Variants in C4orf33 observed in about 807,000 individuals in gnomAD.
The protein encoded by C4orf33 is chromosome 4 open reading frame 33.
Under a neutral mutation model 24.3 loss-of-function variants are expected in C4orf33, and 20 were observed. The observed-to-expected ratio is 0.82, with a 90% CI of 0.58 to 1.19. C4orf33 has a LOEUF of 1.19. Among genes scored for constraint, C4orf33 ranks in the 50% most tolerant of loss-of-function variants. The probability of loss-of-function intolerance (pLI) is 0.00; values close to 1 mark genes in which losing one functional copy is unlikely to be tolerated. For synonymous variants in C4orf33, 67 were observed against 76.4 expected (o/e 0.88, Z 0.64); for missense variants, 207 against 225.9 (o/e 0.92, Z 0.54).
intron 1 of C4orf33, among the ~76,000 whole-genome samples, chr4:129,098,517 G>A (rs1264280458): frequency 6.6e-6 from 1 of 152,186 alleles, no homozygotes; most frequent in Non-Finnish European, 1.5e-5. Flanking sequence ...AAATGTTTGG[G>A]TTTTGGTTTG....
At position 129,102,639 on chromosome 4, in the gene C4orf33, A is replaced by G. The variant is rs1467031732; in HGVS notation, c.29A>G (p.Asp10Gly). 2 of 1,613,148 alleles carry G rather than the reference A, an allele frequency of 1.2e-6. No homozygotes were observed. The highest frequency in any genetic ancestry group is 1.7e-6 in the Non-Finnish European group (2 of 1,179,656). MDFKIEHTW[D>G]GFPVKHEPVF... ...GATTTTAAAATTGAACACACTTGGG[A>G]TGGTTTTCCAGTGAAGCATGAGCCC... Residue 10 changes from aspartate (D) to glycine (G), a missense_variant, in exon 2 of 6, where the codon GAT (aspartate) becomes GGT (glycine). Transcript: ENST00000425929.
chr4:129,111,269 G>A (rs1753685684), intron 5 of C4orf33, among the ~76,000 whole-genome samples: 1 of 152,092 alleles, frequency 6.6e-6, no homozygotes, highest in African/African-American at 2.4e-5. Flanking sequence ...AGCAGAGAAG[G>A]GAATTAAGAA....
At chr4:129,102,865 T>A in intron 2 of C4orf33, 74 bp downstream of exon 2, 2 of 1,385,210 alleles carry the variant, frequency 1.4e-6, no homozygotes, top group South Asian at 2.8e-5. Context: ...TATTATTTTA[T>A]CTTGCTGTTG....
At chr4:129,106,004 T>C (rs919137328) in intron 2 of C4orf33, among the ~76,000 whole-genome samples, 1 of 152,156 alleles carries the variant, frequency 6.6e-6, no homozygotes, top group African/African-American at 2.4e-5. Context: ...GCAGCTGACT[T>C]ATCGAATATC....
At chr4:129,104,822 A>G (rs527960107) in intron 2 of C4orf33, among the ~76,000 whole-genome samples, 1 of 152,250 alleles carries the variant, frequency 6.6e-6, no homozygotes, top group East Asian at 1.9e-4. Context: ...AAAATTTTCC[A>G]CTTTAGTATC....
rs574689669 is a variant in C4orf33 at position 129,110,191 on chromosome 4, A to G, written c.494+519A>G. 69 of 164,430 alleles carry G rather than the reference A, an allele frequency of 4.2e-4. 1 individual carries two copies. Among genetic ancestry groups the G allele is most frequent in the South Asian group, 1.2e-3 (6 of 5,058 alleles). The allele number at this position is 164,430 out of a possible 1,614,324, so 10.2% of individuals were successfully genotyped here. A position where few individuals can be genotyped will look rare whatever the true frequency, so the allele number is the denominator to read the frequency against. ...GCAAATTACATCTGGACTGAGAATA[A>G]TTTTGGATGAACTATAAATATATGA... On this transcript the variant is annotated intron_variant, in intron 5 of 5. Transcript: ENST00000425929.
Position 129,111,738 on chromosome 4 carries a change from G to A in C4orf33, c.547G>A (p.Glu183Lys), listed in dbSNP as rs1438373329. Reference protein sequence around the residue: ...SFNFNTLLGEEWKQPESDLWL... With the variant: ...SFNFNTLLGEKWKQPESDLWL... ...CAATTTTAACACACTGCTTGGAGAA[G>A]AGTGGAAACAACCGGAATCAGACCT... The change falls in exon 6 of 6, where the codon GAG (glutamate) becomes AAG (lysine). Residue 183 changes from glutamate to lysine, a missense_variant. Physicochemically the swap from Glu to Lys is moderately conservative, Grantham distance 56. Coordinates refer to ENST00000425929, the MANE Select transcript of C4orf33 (RefSeq NM_001099783.2). 1.2e-6 allele frequency: 2 copies of A among 1,613,008 alleles called. No individual in the cohort carries two copies. Among genetic ancestry groups the A allele is most frequent in the Non-Finnish European group, 1.7e-6 (2 of 1,179,340 alleles).
At position 129,111,815 on chromosome 4, in the gene C4orf33, CATTTTTTCCTCT is replaced by C. The variant is rs1561093279; in HGVS notation, c.*27_*38del. On this transcript the variant is annotated 3_prime_UTR_variant, in exon 6 of 6. Transcript: ENST00000425929. Reference sequence around the variant, plus strand: ...AGGAGTAATAGATAACCATACCGATCATTTTTTCCTCTATACCTTTTAAGATAAACAAAAAAT... The same window carrying C: ...AGGAGTAATAGATAACCATACCGATCATACCTTTTAAGATAAACAAAAAAT... 1 of 1,353,622 alleles carries C rather than the reference CATTTTTTCCTCT, an allele frequency of 7.4e-7. No homozygotes were observed. Among genetic ancestry groups the C allele is most frequent in the African/African-American group, 1.4e-5 (1 of 69,202 alleles). 83.9% of individuals were successfully genotyped at this position (1,353,622 alleles called of 1,614,324 possible). A position where few individuals can be genotyped will look rare whatever the true frequency, so the allele number is the denominator to read the frequency against.
At chr4:129,104,738 C>CT (rs1753462651) in intron 2 of C4orf33, among the ~76,000 whole-genome samples, 1 of 126,452 alleles carries the variant, frequency 7.9e-6, no homozygotes. Flanking sequence ...CACTAAACCA[C>CT]TTTTTTGAGC....
chr4:129,102,999 G>T, intron 2 of C4orf33: 14 of 407,674 alleles, frequency 3.4e-5, no homozygotes, highest in South Asian at 1.3e-4. Flanking sequence ...GTTAAAAAAT[G>T]GCAATTACAA....
At position 129,112,162 on chromosome 4, in the gene C4orf33, A is replaced by C. The variant is rs1753706323; in HGVS notation, c.*371A>C. 1 of 157,354 alleles carries C rather than the reference A, an allele frequency of 6.4e-6. No homozygotes were observed. The highest frequency in any genetic ancestry group is 1.8e-4 in the East Asian group (1 of 5,410). 9.7% of individuals were successfully genotyped at this position (157,354 alleles called of 1,614,324 possible). A position where few individuals can be genotyped will look rare whatever the true frequency, so the allele number is the denominator to read the frequency against. On this transcript the variant is annotated 3_prime_UTR_variant, in exon 6 of 6. Coordinates refer to ENST00000425929, the MANE Select transcript of C4orf33 (RefSeq NM_001099783.2). ...TGTGATTCAACCATTTCATTCCTAGATATATACCCCAGAAAAATGACTGCT... is the reference window on the plus strand; with the variant it reads ...TGTGATTCAACCATTTCATTCCTAGCTATATACCCCAGAAAAATGACTGCT...
In C4orf33 at chr4:129,114,769, C is replaced by T. The variant is rs1430129128; in HGVS notation, c.*2978C>T. 1 of 152,210 alleles carries T rather than the reference C, an allele frequency of 6.6e-6. No individual in the cohort carries two copies. The highest frequency in any genetic ancestry group is 2.4e-5 in the African/African-American group (1 of 41,444). 9.4% of individuals were successfully genotyped at this position (152,210 alleles called of 1,614,324 possible). A position where few individuals can be genotyped will look rare whatever the true frequency, so the allele number is the denominator to read the frequency against. ...TATGAAAGCCATCTAGTCATAATGA[C>T]TCTTCGTGTCAACTGTTCAGCAGGC... On this transcript the variant is annotated 3_prime_UTR_variant, in exon 6 of 6. Transcript: ENST00000425929.
upstream of C4orf33, among the ~76,000 whole-genome samples, chr4:129,094,557 A>G (rs1320106681): frequency 6.6e-6 from 1 of 152,216 alleles, no homozygotes; most frequent in African/African-American, 2.4e-5. Context: ...AAGAAATTTT[A>G]AAAATGTATT....
At position 129,115,004 on chromosome 4, in the gene C4orf33, C is replaced by T. The variant is rs1204592043; in HGVS notation, c.*3213C>T. On this transcript the variant is annotated 3_prime_UTR_variant, in exon 6 of 6. Transcript: ENST00000425929. ...TTGAGGATAAAGGTCTAGGTCACCT[C>T]ACCATTCAAACCACTTGAAACTACT... 6.6e-6 allele frequency: 1 copy of T among 152,192 alleles called. No homozygotes were observed. Among genetic ancestry groups the T allele is most frequent in the African/African-American group, 2.4e-5 (1 of 41,440 alleles). The allele number at this position is 152,192 out of a possible 1,614,324, so 9.4% of individuals were successfully genotyped here. A position where few individuals can be genotyped will look rare whatever the true frequency, so the allele number is the denominator to read the frequency against.
intron 1 of C4orf33, among the ~76,000 whole-genome samples, chr4:129,097,811 A>G (rs1753247398): frequency 6.6e-6 from 1 of 152,208 alleles, no homozygotes; most frequent in Non-Finnish European, 1.5e-5. Context: ...TTTTTTCTCA[A>G]TGCCTTCATT....
intron 2 of C4orf33, among the ~76,000 whole-genome samples, chr4:129,106,114 A>G (rs1439247446): frequency 6.6e-6 from 1 of 152,182 alleles, no homozygotes; most frequent in Non-Finnish European, 1.5e-5. Context: ...TCCATAATTT[A>G]CTTAACAGTT....
intron 3 of C4orf33, among the ~76,000 whole-genome samples, chr4:129,108,090 G>T (rs1469758902): frequency 6.6e-6 from 1 of 152,024 alleles, no homozygotes; most frequent in African/African-American, 2.4e-5. Context: ...GCAACAGGAA[G>T]AATTTTTTTT....
intron 3 of C4orf33, among the ~76,000 whole-genome samples, chr4:129,106,983 T>G (rs1753538998): frequency 6.6e-6 from 1 of 151,994 alleles, no homozygotes; most frequent in Non-Finnish European, 1.5e-5. Context: ...GCAATAAATT[T>G]GCATTATTAT....
chr4:129,095,352 G>T (rs1406883508), upstream of C4orf33, among the ~76,000 whole-genome samples: 1 of 152,038 alleles, frequency 6.6e-6, no homozygotes, highest in Non-Finnish European at 1.5e-5. Context: ...GTCATGTTTT[G>T]TAGTTTGTCT....
Sources: gnomAD v4.1 joint callset for allele counts (sites outside exome capture counted in the v4.1 genomes callset) on GRCh38, gnomAD v4.1.1 for gene constraint, MANE v1.5 for transcripts, NCBI Gene and HGNC (gene_info 2026-07-23, HGNC 2026-07-21) for gene names.